Variants in GALNTL6 observed in about 807,000 individuals in gnomAD.
GALNTL6 encodes polypeptide N-acetylgalactosaminyltransferase like 6, also known as polypeptide N-acetylgalactosaminyltransferase-like 6.
In GALNTL6, 46 loss-of-function variants were observed where a neutral mutation model predicts 73.7. The ratio of observed to expected loss-of-function variants is 0.62; its 90% CI spans 0.49 to 0.80. GALNTL6 has a LOEUF of 0.80. Among genes scored for constraint, GALNTL6 ranks in the 30% least tolerant of loss-of-function variants. The pLI is 0.00. For missense variants in GALNTL6, 604 were observed against 755.0 expected (o/e 0.80, Z 2.34); for synonymous variants, 259 against 263.7 (o/e 0.98, Z 0.17).
At chr4:172,007,977 T>C (rs1294441770) in intron 2 of GALNTL6, among the ~76,000 whole-genome samples, 3 of 152,140 alleles carry the variant, frequency 2.0e-5, no homozygotes, top group Non-Finnish European at 2.9e-5. Context: ...GAGGTTCTTT[T>C]TTCTGCTGTG....
At chr4:172,891,121 CT>C (rs34153108) in intron 8 of GALNTL6, among the ~76,000 whole-genome samples, 289 of 141,674 alleles carry the variant, frequency 2.0e-3, no homozygotes, top group Admixed American at 2.6e-3. Flanking sequence ...AAGGTTGGGC[CT>C]TTTTTTTTTT....
chr4:172,237,728 A>G (rs1737287788), intron 3 of GALNTL6, among the ~76,000 whole-genome samples: 1 of 152,074 alleles, frequency 6.6e-6, no homozygotes, highest in South Asian at 2.1e-4. Context: ...TAGGTTTTAC[A>G]TTTGAGTCTT....
At chr4:172,441,433 C>T (rs1298264844) in intron 5 of GALNTL6, among the ~76,000 whole-genome samples, 1 of 152,090 alleles carries the variant, frequency 6.6e-6, no homozygotes, top group Non-Finnish European at 1.5e-5. Flanking sequence ...CGTGGTCATT[C>T]ACAGAATTAA....
intron 5 of GALNTL6, among the ~76,000 whole-genome samples, chr4:172,548,424 A>C (rs1474083284): frequency 6.6e-6 from 1 of 152,206 alleles, no homozygotes; most frequent in Admixed American, 6.5e-5. Flanking sequence ...AATTATATTA[A>C]CATGATTCTC....
intron 10 of GALNTL6, among the ~76,000 whole-genome samples, chr4:172,977,185 G>A (rs1221889938): frequency 2.6e-5 from 4 of 152,212 alleles, no homozygotes; most frequent in Non-Finnish European, 5.9e-5. Flanking sequence ...CATTATCAGG[G>A]AGGCCAGTGG....
At chr4:172,684,513 T>C (rs1732807578) in intron 5 of GALNTL6, among the ~76,000 whole-genome samples, 1 of 152,054 alleles carries the variant, frequency 6.6e-6, no homozygotes, top group South Asian at 2.1e-4. Flanking sequence ...CACAAAAAAG[T>C]ATATGATTAA....
intron 3 of GALNTL6, among the ~76,000 whole-genome samples, chr4:172,266,783 C>G (rs1560997393): frequency 6.6e-6 from 1 of 152,012 alleles, no homozygotes; most frequent in Non-Finnish European, 1.5e-5. Context: ...TGAGGTTATT[C>G]CATTAATCTA....
intron 2 of GALNTL6, among the ~76,000 whole-genome samples, chr4:171,856,441 A>G (rs1735695095): frequency 2.6e-5 from 4 of 152,144 alleles, no homozygotes. Flanking sequence ...AATAATGTCC[A>G]TTTAATCAAT....
At chr4:172,537,768 T>C (rs1485981481) in intron 5 of GALNTL6, among the ~76,000 whole-genome samples, 1 of 152,182 alleles carries the variant, frequency 6.6e-6, no homozygotes, top group East Asian at 1.9e-4. Context: ...TAAAGGGTGT[T>C]GCAGCCTAGA....
At chr4:172,286,752 A>T (rs1739271122) in intron 3 of GALNTL6, among the ~76,000 whole-genome samples, 1 of 152,106 alleles carries the variant, frequency 6.6e-6, no homozygotes, top group African/African-American at 2.4e-5. Flanking sequence ...CACTGAAGAG[A>T]CTCTGACAGT....
chr4:172,875,663 A>G (rs549518975), intron 7 of GALNTL6, among the ~76,000 whole-genome samples: 4 of 151,226 alleles, frequency 2.6e-5, no homozygotes, highest in Non-Finnish European at 4.4e-5. Context: ...TCTATCACTT[A>G]TTGTAGGAAT....
rs889419082 is a variant in GALNTL6, at chr4:171,910,386, TA to T, written c.138+95676del. Among the ~76,000 whole-genome samples the T allele has an allele frequency of 4.7e-5, 7 of 150,364 alleles. No homozygotes were observed. The East Asian group carries it at 5.8e-4, about 12-fold the overall frequency. Reference sequence around the variant, plus strand: ...AACAGATTGAAAGAAAAACTGGTGATAAAAAAAAGACCCAAAACCAATAACA... The same window carrying T: ...AACAGATTGAAAGAAAAACTGGTGATAAAAAAAGACCCAAAACCAATAACA... On this transcript the variant is annotated intron_variant, in intron 2 of 12. Coordinates refer to ENST00000506823, the MANE Select transcript of GALNTL6 (RefSeq NM_001034845.3).
At chr4:172,208,323 A>G (rs1260917503) in intron 2 of GALNTL6, among the ~76,000 whole-genome samples, 2 of 152,226 alleles carry the variant, frequency 1.3e-5, no homozygotes, top group Non-Finnish European at 2.9e-5. Flanking sequence ...ACAATTATAT[A>G]GCAGAATTAG....
intron 8 of GALNTL6, among the ~76,000 whole-genome samples, chr4:172,886,889 T>C (rs1430834342): frequency 6.6e-6 from 1 of 152,200 alleles, no homozygotes; most frequent in Non-Finnish European, 1.5e-5. Context: ...CAAGCAAATA[T>C]TGTGTGCTGC....
chr4:172,756,797 T>C lies in GALNTL6; in HGVS notation c.554-52564T>C, dbSNP rs558092721. Among the ~76,000 whole-genome samples the C allele has an allele frequency of 1.3e-3, 203 of 152,270 alleles. 1 individual carries two copies. The highest frequency in any genetic ancestry group is 4.7e-3 in the African/African-American group (194 of 41,556). ...CTCCTCTAGGAACTAAAATATAAGGTTGACTTCTCTGTTTCCAAGTGTTTT... is the reference window on the plus strand; with the variant it reads ...CTCCTCTAGGAACTAAAATATAAGGCTGACTTCTCTGTTTCCAAGTGTTTT... On this transcript the variant is annotated intron_variant, in intron 5 of 12. Coordinates refer to ENST00000506823, the MANE Select transcript of GALNTL6 (RefSeq NM_001034845.3).
intron 5 of GALNTL6, among the ~76,000 whole-genome samples, chr4:172,496,983 A>G (rs1231973508): frequency 6.6e-6 from 1 of 152,222 alleles, no homozygotes; most frequent in Non-Finnish European, 1.5e-5. Flanking sequence ...TTGAAACTGT[A>G]GTTTGAAAAT....
chr4:172,937,299 A>T (rs1331715354), intron 9 of GALNTL6, among the ~76,000 whole-genome samples: 1 of 152,320 alleles, frequency 6.6e-6, no homozygotes, highest in Admixed American at 6.5e-5. Context: ...AAAAAAAAAA[A>T]TCATAAAATA....
rs1731509484 is a variant in GALNTL6 at position 172,070,339 on chromosome 4, GATGAT to G, written c.139-159316_139-159312del. On this transcript the variant is annotated intron_variant, in intron 2 of 12. Transcript: ENST00000506823. ...ATAAAGCAAAAACAGAACAGTGGAA[GATGAT>G]TTAATAGTGTTATGATTTGAATATG... is the stretch of plus-strand genomic sequence containing the variant. 1.8e-5 allele frequency among the ~76,000 whole-genome samples: 2 copies of G among 110,446 alleles called. 1 individual carries two copies. Among genetic ancestry groups the G allele is most frequent in the African/African-American group, 6.8e-5 (2 of 29,342 alleles). 72.5% of individuals were successfully genotyped at this position (110,446 alleles called of 152,430 possible).
intron 5 of GALNTL6, among the ~76,000 whole-genome samples, chr4:172,575,354 A>G (rs563110152): frequency 2.6e-5 from 4 of 152,290 alleles, no homozygotes; most frequent in African/African-American, 9.6e-5. Context: ...ATGAAAGTCC[A>G]TTGCTAACTA....
Sources: allele counts gnomAD v4.1 joint callset (sites outside exome capture counted in the v4.1 genomes callset), GRCh38; gene constraint gnomAD v4.1.1; transcripts MANE v1.5; gene names NCBI Gene and HGNC (gene_info 2026-07-23, HGNC 2026-07-21).